UBQLN1: variants seen among roughly 807,000 people sequenced by gnomAD.
UBQLN1 encodes ubiquilin 1.
A neutral mutation model predicts 65.4 loss-of-function variants in UBQLN1; 13 were observed. The observed-to-expected ratio is 0.20, with a 90% CI of 0.13 to 0.32. The LOEUF is 0.32. Among genes scored for constraint, UBQLN1 ranks in the 10% least tolerant of loss-of-function variants. UBQLN1 has a pLI of 1.00. For missense variants in UBQLN1, 561 were observed against 724.0 expected, an observed-to-expected ratio of 0.77 and a Z score of 2.58; for synonymous variants, 267 against 247.8, an observed-to-expected ratio of 1.08 and a Z score of -0.73.
chr9:83,668,553 G>A (rs1052257669), intron 7 of UBQLN1: 3 of 985,232 alleles, frequency 3.0e-6, no homozygotes, highest in East Asian at 2.3e-4. Flanking sequence ...CCCAACCATC[G>A]GTACTGTCTA....
At chr9:83,684,139 G>A (rs904320697) in intron 2 of UBQLN1, among the ~76,000 whole-genome samples, 12 of 151,998 alleles carry the variant, frequency 7.9e-5, no homozygotes, top group African/African-American at 2.9e-4. Context: ...AATAAAAAGC[G>A]AGAGACTTCA....
At chr9:83,701,829 T>A (rs555184867) in intron 1 of UBQLN1, among the ~76,000 whole-genome samples, 7 of 152,038 alleles carry the variant, frequency 4.6e-5, no homozygotes, top group African/African-American at 1.7e-4. Context: ...CCAAGAAAAA[T>A]GAAAACGTTA....
chr9:83,663,743 G>A, intron 10 of UBQLN1, 132 bp downstream of exon 10: 4 of 984,222 alleles, frequency 4.1e-6, no homozygotes, highest in Non-Finnish European at 5.8e-6. Flanking sequence ...ATATCCTTAA[G>A]ACTGTATTTT....
In UBQLN1 at chr9:83,707,569, C is replaced by T; in HGVS notation, c.111G>A (p.Met37Ile). The change falls in exon 1 of 11, where the codon ATG becomes ATA. Residue 37 changes from methionine to isoleucine, a missense_variant. Around this residue, in one of 8 missense-constraint regions of UBQLN1, gnomAD observed 101 missense variants for 104.9 expected, o/e 0.96. Coordinates refer to ENST00000376395, the MANE Select transcript of UBQLN1 (RefSeq NM_013438.5). ...CCTTCGGGGTCTTCACGGTGACTTTCATGATTTTGGGCTCCGCGGAGGCAG... is the reference window on the plus strand; with the variant it reads ...CCTTCGGGGTCTTCACGGTGACTTTTATGATTTTGGGCTCCGCGGAGGCAG... Reference protein sequence around the residue: ...AAAASAEPKIMKVTVKTPKEK... With the variant: ...AAAASAEPKIIKVTVKTPKEK... 6.2e-7 allele frequency: 1 copy of T among 1,609,750 alleles called. No individual in the cohort carries two copies. Among genetic ancestry groups the T allele is most frequent in the East Asian group, 2.3e-5 (1 of 44,292 alleles).
chr9:83,688,306 C>T (rs1564168959), intron 1 of UBQLN1, among the ~76,000 whole-genome samples: 1 of 152,150 alleles, frequency 6.6e-6, no homozygotes, highest in Non-Finnish European at 1.5e-5. Context: ...CTCCCTTCCC[C>T]TCACACTGAT....
In UBQLN1 at chr9:83,707,617, T is replaced by G. The variant is rs201718401; in HGVS notation, c.63A>C (p.Glu21Asp). The G allele has an allele frequency of 1.2e-4, 195 of 1,588,578 alleles. 2 individuals carry two copies. In the African/African-American group the frequency reaches 2.5e-3, roughly 20 times the overall value. The change falls in exon 1 of 11, where the codon GAA (glutamate) becomes GAC (aspartate). Residue 21 changes from glutamate (E) to aspartate (D), a missense_variant. By Grantham distance (45) the Glu-to-Asp change is conservative. This residue lies in a region of UBQLN1 where 101 missense variants were observed against 104.9 expected (regional missense o/e 0.96). Transcript: ENST00000376395. ...CAGCGGCCGCGGGGGCGCCAGCACC[T>G]TCGGCTCCGGCGGCGCTATCCTGGG... ...PGSQDSAAGA[E>D]GAGAPAAAAS...
chr9:83,665,129 G>A lies in UBQLN1; in HGVS notation c.1349C>T (p.Thr450Ile). Residue 450 changes from threonine to isoleucine, a missense_variant, in exon 9 of 11, where the codon ACA (threonine) becomes ATA (isoleucine). By Grantham distance (89) the Thr-to-Ile change is moderately conservative. Around this residue, in one of 8 missense-constraint regions of UBQLN1, gnomAD observed 102 missense variants for 150.7 expected, o/e 0.68. Transcript: ENST00000376395. ...TFLQQMQNPD[T>I]LSAMSNPRAM... ...TCTAGGGTTTGACATTGCTGATAGTGTATCAGGATTCTGCATCTAAGGAAG... is the reference window on the plus strand; with the variant it reads ...TCTAGGGTTTGACATTGCTGATAGTATATCAGGATTCTGCATCTAAGGAAG... The A allele has an allele frequency of 6.2e-7, 1 of 1,611,332 alleles. No homozygotes were observed. The highest frequency in any genetic ancestry group is 8.5e-7 in the Non-Finnish European group (1 of 1,178,888).
chr9:83,704,563 A>AC (rs1243914102), intron 1 of UBQLN1, among the ~76,000 whole-genome samples: 1 of 152,204 alleles, frequency 6.6e-6, no homozygotes, highest in East Asian at 1.9e-4. Context: ...CCGGTGGTTC[A>AC]CACCTGTAAT....
At chr9:83,664,742 A>C (rs562868186) in intron 9 of UBQLN1, among the ~76,000 whole-genome samples, 162 of 151,956 alleles carry the variant, frequency 1.1e-3, no homozygotes, top group African/African-American at 3.6e-3. Flanking sequence ...CTCTAAAAAC[A>C]GTAACAACAA....
At chr9:83,688,517 GT>G (rs1471139883) in intron 1 of UBQLN1, among the ~76,000 whole-genome samples, 1 of 151,974 alleles carries the variant, frequency 6.6e-6, no homozygotes, top group Non-Finnish European at 1.5e-5. Context: ...TGAACATACA[GT>G]TATATAGCAT....
Position 83,706,281 on chromosome 9 carries a change from T to G in UBQLN1, c.180+1219A>C, listed in dbSNP as rs528443156. Among the ~76,000 whole-genome samples the G allele has an allele frequency of 3.3e-5, 5 of 152,362 alleles. No individual in the cohort carries two copies. In the South Asian group the frequency reaches 1.0e-3, roughly 32 times the overall value. On this transcript the variant is annotated intron_variant, in intron 1 of 10. Coordinates refer to ENST00000376395, the MANE Select transcript of UBQLN1 (RefSeq NM_013438.5). Reference sequence around the variant, plus strand: ...AATCGATTATAATACCGTAAAATGCTAATTGTAGATGATGGACATATGTGT... The same window carrying G: ...AATCGATTATAATACCGTAAAATGCGAATTGTAGATGATGGACATATGTGT...
Position 83,673,568 on chromosome 9 carries a change from C to CA in UBQLN1, c.1105+4158dup, listed in dbSNP as rs77515396. 2.7e-3 allele frequency among the ~76,000 whole-genome samples: 219 copies of CA among 82,632 alleles called. 2 individuals are homozygous for CA. The highest frequency in any genetic ancestry group is 7.8e-3 in the East Asian group (8 of 1,028). The allele number at this position is 82,632 out of a possible 152,430, so 54.2% of individuals were successfully genotyped here. On this transcript the variant is annotated intron_variant, in intron 6 of 10. Coordinates refer to ENST00000376395, the MANE Select transcript of UBQLN1 (RefSeq NM_013438.5). Reference sequence around the variant, plus strand: ...TTTTAAAAAAAAAAAAAAAAAAAAACAAAAAAAAAAAACTGCGCTTACGTT... The same window carrying CA: ...TTTTAAAAAAAAAAAAAAAAAAAAACAAAAAAAAAAAAACTGCGCTTACGTT...
chr9:83,706,629 A>G (rs1452945975), intron 1 of UBQLN1, among the ~76,000 whole-genome samples: 2 of 152,272 alleles, frequency 1.3e-5, no homozygotes, highest in East Asian at 3.8e-4. Flanking sequence ...GACGTATTCA[A>G]CAATACACTA....
At position 83,707,951 on chromosome 9, in the gene UBQLN1, T is replaced by C; in HGVS notation, c.-272A>G. 4.0e-6 allele frequency: 2 copies of C among 498,880 alleles called. No homozygotes were observed. The highest frequency in any genetic ancestry group is 3.3e-5 in the South Asian group (1 of 30,218). 30.9% of individuals were successfully genotyped at this position (498,880 alleles called of 1,614,324 possible). ...GACATCCGCAGCAGCCACCGCTTCCTCCTCCCTGCCCCTTCCCCCACGTCC... is the reference window on the plus strand; with the variant it reads ...GACATCCGCAGCAGCCACCGCTTCCCCCTCCCTGCCCCTTCCCCCACGTCC... On this transcript the variant is annotated 5_prime_UTR_variant, in exon 1 of 11. Coordinates refer to ENST00000376395, the MANE Select transcript of UBQLN1 (RefSeq NM_013438.5).
At position 83,663,961 on chromosome 9, in the gene UBQLN1, T is replaced by C. The variant is rs768920236; in HGVS notation, c.1531A>G (p.Thr511Ala). Residue 511 changes from threonine (T) to alanine (A), a missense_variant, in exon 10 of 11, where the codon ACA (threonine) becomes GCA (alanine). Thr to Ala is a moderately conservative substitution (Grantham distance 58, BLOSUM62 0). This residue lies in a region of UBQLN1 where 68 missense variants were observed against 62.2 expected (regional missense o/e 1.09). Transcript: ENST00000376395. ...NGSNATPSEN[T>A]SPTAGTTEPG... Reference sequence around the variant, plus strand: ...TCAGTGGTTCCTGCTGTGGGACTTGTGTTTTCACTAGGTGTGGCGTTAGAT... The same window carrying C: ...TCAGTGGTTCCTGCTGTGGGACTTGCGTTTTCACTAGGTGTGGCGTTAGAT... The C allele has an allele frequency of 1.2e-6, 2 of 1,614,192 alleles. No homozygotes were observed. The highest frequency in any genetic ancestry group is 2.2e-5 in the East Asian group (1 of 44,884).
chr9:83,690,384 G>A (rs534779983), intron 1 of UBQLN1, among the ~76,000 whole-genome samples: 5 of 152,024 alleles, frequency 3.3e-5, no homozygotes, highest in Non-Finnish European at 7.4e-5. Flanking sequence ...AAGGGTTGGG[G>A]ACAAAATCCA....
intron 3 of UBQLN1, among the ~76,000 whole-genome samples, chr9:83,682,266 C>G (rs929279531): frequency 4.6e-5 from 7 of 151,112 alleles, no homozygotes; most frequent in African/African-American, 1.7e-4. Flanking sequence ...GCCTGGGCGA[C>G]AGAGCAAGAC....
chr9:83,698,171 T>C (rs971050682), intron 1 of UBQLN1, among the ~76,000 whole-genome samples: 9 of 152,226 alleles, frequency 5.9e-5, no homozygotes, highest in African/African-American at 2.2e-4. Flanking sequence ...TCATTGTCAT[T>C]AACAGCATTT....
At chr9:83,691,198 C>CAT (rs10580448) in intron 1 of UBQLN1, among the ~76,000 whole-genome samples, 183 of 150,132 alleles carry the variant, frequency 1.2e-3, no homozygotes, top group South Asian at 5.4e-3. Context: ...ACATATAATA[C>CAT]ATATATATAT....
Sources: gnomAD v4.1 joint callset for allele counts (sites outside exome capture counted in the v4.1 genomes callset) on GRCh38, gnomAD v4.1.1 for gene constraint, gnomAD v4.1.1 regional missense constraint, MANE v1.5 for transcripts, NCBI Gene and HGNC (gene_info 2026-07-23, HGNC 2026-07-21) for gene names.